ACOX3: variants seen among roughly 807,000 people sequenced by gnomAD.
ACOX3 encodes the protein acyl-CoA oxidase 3, pristanoyl, also known as peroxisomal acyl-coenzyme A oxidase 3.
ACOX3 carries 73 observed loss-of-function variants against 81.5 expected under a neutral mutation model. The ratio of observed to expected loss-of-function variants is 0.90; its 90% CI spans 0.74 to 1.09. The LOEUF is 1.09. Among genes scored for constraint, ACOX3 ranks in the 50% least tolerant of loss-of-function variants. The pLI is 0.00. For missense variants in ACOX3, 947 were observed against 928.0 expected, an observed-to-expected ratio of 1.02 and a Z score of -0.27; for synonymous variants, 387 against 375.1, an observed-to-expected ratio of 1.03 and a Z score of -0.37.
At chr4:8,393,641 A>ACACACACACACATG (rs1560181989) in intron 10 of ACOX3, among the ~76,000 whole-genome samples, 22 of 52,942 alleles carry the variant, frequency 4.2e-4, no homozygotes, top group Non-Finnish European at 9.5e-4. Context: ...ACACACGCAC[A>ACACACACACACATG]CACACACACA....
chr4:8,410,078 G>A (rs1721555894), intron 6 of ACOX3, 134 bp downstream of exon 6: 4 of 1,196,810 alleles, frequency 3.3e-6, no homozygotes, highest in Non-Finnish European at 4.6e-6. Context: ...TGGGGTCCTG[G>A]GCAGTGTCCC....
downstream of ACOX3, among the ~76,000 whole-genome samples, chr4:8,361,425 C>CCAAAAAAA (rs1560158854): frequency 2.6e-5 from 1 of 39,034 alleles, no homozygotes; most frequent in Non-Finnish European, 4.2e-5. Flanking sequence ...GACTCTATCT[C>CCAAAAAAA]AAAAAAAAAA....
intron 15 of ACOX3, 114 bp from the exon 16 acceptor site, chr4:8,373,742 T>A (rs1049172014): frequency 2.2e-6 from 2 of 909,350 alleles, no homozygotes. Flanking sequence ...CTGTTTTGGG[T>A]GAACACATCA....
chr4:8,383,659 T>A (rs1167327426), intron 13 of ACOX3, among the ~76,000 whole-genome samples: 1 of 152,202 alleles, frequency 6.6e-6, no homozygotes. Flanking sequence ...CTGTCTTCAG[T>A]GCCCAGGCCG....
Position 8,432,353 on chromosome 4 carries a change from C to T in ACOX3, c.-15+8295G>A, listed in dbSNP as rs1270923184. Among the ~76,000 whole-genome samples the T allele has an allele frequency of 6.6e-6, 1 of 152,008 alleles. No homozygotes were observed. The highest frequency in any genetic ancestry group is 1.5e-5 in the Non-Finnish European group (1 of 68,004). On this transcript the variant is annotated intron_variant, in intron 1 of 17. Transcript: ENST00000356406. This position sits in a 1 kb window ranked among gnomAD's most constrained non-coding sequence, Gnocchi z 6.2. ...GGTTCAAGCCATTCTCCTGCCTTAGCCTCCCGAGTAGCTGGGACTACAGGC... is the reference window on the plus strand; with the variant it reads ...GGTTCAAGCCATTCTCCTGCCTTAGTCTCCCGAGTAGCTGGGACTACAGGC...
Position 8,394,074 on chromosome 4 carries a change from G to T in ACOX3, c.1179+546C>A, listed in dbSNP as rs865833150. 1.3e-5 allele frequency among the ~76,000 whole-genome samples: 2 copies of T among 152,266 alleles called. No individual in the cohort carries two copies. The highest frequency in any genetic ancestry group is 2.1e-4 in the South Asian group (1 of 4,824). ...GCGTTTCTCCTCTGCTTTCAAACAC[G>T]GTTATTTCTTTTGATTCACATTTCA... On this transcript the variant is annotated intron_variant, in intron 10 of 17. Transcript: ENST00000356406. This position sits in a 1 kb window ranked among gnomAD's most constrained non-coding sequence, Gnocchi z 5.9.
rs1033931548 is a variant in ACOX3 at position 8,399,493 on chromosome 4, C to T, written c.873+63G>A. 1.4e-5 allele frequency: 20 copies of T among 1,414,812 alleles called. No homozygotes were observed. The highest frequency in any genetic ancestry group is 3.4e-5 in the Admixed American group (2 of 58,544). The allele number at this position is 1,414,812 out of a possible 1,614,324, so 87.6% of individuals were successfully genotyped here. On this transcript the variant is annotated intron_variant, in intron 8 of 17. Transcript: ENST00000356406. The surrounding 1 kb of genome is among the most constrained non-coding windows in gnomAD (Gnocchi z 4.9). ...TCCAGGTGCAGGGAGGAGCACAGAG[C>T]CAGGCCCTGCAGAGGAAGGCACCTG...
intron 17 of ACOX3, among the ~76,000 whole-genome samples, chr4:8,369,384 C>T (rs1381114454): frequency 6.6e-6 from 1 of 152,244 alleles, no homozygotes; most frequent in Non-Finnish European, 1.5e-5. Flanking sequence ...TACAGCAGGG[C>T]ACAGTCTCTT....
chr4:8,439,211 G>A (rs1337333637), intron 1 of ACOX3: 1 of 152,060 alleles, frequency 6.6e-6, no homozygotes, highest in African/African-American at 2.4e-5. Flanking sequence ...AACCATGCTA[G>A]AAGAAACACC....
In ACOX3 at chr4:8,430,331, T is replaced by C. The variant is rs995807029; in HGVS notation, c.-15+10317A>G. Among the ~76,000 whole-genome samples, 1 of 152,220 alleles carries C rather than the reference T, an allele frequency of 6.6e-6. No individual in the cohort carries two copies. Among genetic ancestry groups the C allele is most frequent in the Admixed American group, 6.5e-5 (1 of 15,286 alleles). On this transcript the variant is annotated intron_variant, in intron 1 of 17. Transcript: ENST00000356406. This position sits in a 1 kb window ranked among gnomAD's most constrained non-coding sequence, Gnocchi z 5.2. ...ACTAGCCTTCCCAGCCAGGGGTCTA[T>C]TGTGTTTTTGCAAAGGTCCCTGAAT...
At position 8,370,918 on chromosome 4, in the gene ACOX3, G is replaced by T; in HGVS notation, c.1973C>A (p.Ala658Asp). Residue 658 changes from alanine to aspartate, a missense_variant, in exon 17 of 18, where the codon GCC becomes GAC. Ala to Asp is a moderately radical substitution (Grantham distance 126). Transcript: ENST00000356406. The surrounding 1 kb of genome is among the most constrained non-coding windows in gnomAD (Gnocchi z 6.3). ...DFVLDSPIGR[A>D]DGELYKNLWG... ...CTGTCCTCCCTTTACCTCGCCGTCGGCTCTGCCAATCGGTGAGTCCAGAAC... is the reference window on the plus strand; with the variant it reads ...CTGTCCTCCCTTTACCTCGCCGTCGTCTCTGCCAATCGGTGAGTCCAGAAC... The T allele has an allele frequency of 6.2e-7, 1 of 1,613,850 alleles. No individual in the cohort carries two copies. Among genetic ancestry groups the T allele is most frequent in the Non-Finnish European group, 8.5e-7 (1 of 1,179,994 alleles).
At chr4:8,426,307 A>C (rs1195019028) in intron 1 of ACOX3, among the ~76,000 whole-genome samples, 2 of 152,078 alleles carry the variant, frequency 1.3e-5, no homozygotes, top group African/African-American at 4.8e-5. Flanking sequence ...GACCCTACCC[A>C]GTCATTTTAT....
Position 8,389,373 on chromosome 4 carries a change from G to A in ACOX3, c.1424-87C>T. On this transcript the variant is annotated intron_variant, in intron 12 of 17. Coordinates refer to ENST00000356406, the MANE Select transcript of ACOX3 (RefSeq NM_003501.3). This position sits in a 1 kb window ranked among gnomAD's most constrained non-coding sequence, Gnocchi z 5.3. ...AGCTGGGGGCACCCCAAAGCACAGA[G>A]AGTGTCCAGAGGACCCGACGGCCAC... 7.1e-7 allele frequency: 1 copy of A among 1,399,214 alleles called. No individual in the cohort carries two copies. Among genetic ancestry groups the A allele is most frequent in the Non-Finnish European group, 9.8e-7 (1 of 1,015,372 alleles). 86.7% of individuals were successfully genotyped at this position (1,399,214 alleles called of 1,614,324 possible).
downstream of ACOX3, among the ~76,000 whole-genome samples, chr4:8,361,449 A>G (rs1304991633): frequency 1.3e-5 from 2 of 150,074 alleles, no homozygotes; most frequent in Non-Finnish European, 3.0e-5. Context: ...AAAAAAAAAA[A>G]AAAAAAAAGG....
At chr4:8,409,053 T>C (rs891130146) in intron 6 of ACOX3, among the ~76,000 whole-genome samples, 2 of 152,212 alleles carry the variant, frequency 1.3e-5, no homozygotes, top group Non-Finnish European at 1.5e-5. Context: ...AGCGTTGTGA[T>C]GGCTGCATGA....
chr4:8,424,074 AT>A (rs1201360878), intron 1 of ACOX3, among the ~76,000 whole-genome samples: 4 of 152,252 alleles, frequency 2.6e-5, no homozygotes, highest in Non-Finnish European at 5.9e-5. Flanking sequence ...TAGGGCTAAA[AT>A]TATCCAGACA....
chr4:8,417,081 T>C (rs550878930), intron 1 of ACOX3, among the ~76,000 whole-genome samples: 8 of 152,376 alleles, frequency 5.3e-5, no homozygotes, highest in African/African-American at 1.9e-4. Flanking sequence ...CCTCGACATA[T>C]AGACACCTGG....
At chr4:8,390,203 A>G (rs1455650697) in intron 11 of ACOX3, among the ~76,000 whole-genome samples, 5 of 151,734 alleles carry the variant, frequency 3.3e-5, no homozygotes, top group Non-Finnish European at 5.9e-5. Context: ...TTAGCTGGGC[A>G]TAGTGGCACG....
chr4:8,388,509 C>T (rs1339476978), intron 13 of ACOX3, among the ~76,000 whole-genome samples: 6 of 152,260 alleles, frequency 3.9e-5, no homozygotes, highest in Admixed American at 3.9e-4. Context: ...GCTGCCAGCA[C>T]GGCCAGGCGC....
Sources: allele counts gnomAD v4.1 joint callset (sites outside exome capture counted in the v4.1 genomes callset), GRCh38; gene constraint gnomAD v4.1.1; non-coding constraint Gnocchi (gnomAD v3.1); transcripts MANE v1.5; gene names NCBI Gene and HGNC (gene_info 2026-07-23, HGNC 2026-07-21).